XKR6: variants seen among roughly 807,000 people sequenced by gnomAD.
XKR6 encodes XK related 6, also known as XK-related protein 6.
XKR6 carries 22 observed loss-of-function variants against 56.7 expected under a neutral mutation model. The observed-to-expected ratio is 0.39, with a 90% CI of 0.28 to 0.55. The LOEUF (loss-of-function observed/expected upper bound fraction) is 0.55, where lower values mean the gene tolerates loss of function less well. XKR6 is among the 20% of genes least tolerant of loss of function. The pLI is 0.66. For synonymous variants in XKR6, 524 were observed against 387.8 expected, an observed-to-expected ratio of 1.35 and a Z score of -4.13; for missense variants, 852 against 889.0, an observed-to-expected ratio of 0.96 and a Z score of 0.53.
At chr8:11,091,219 C>G (rs1420598819) in intron 1 of XKR6, among the ~76,000 whole-genome samples, 1 of 152,042 alleles carries the variant, frequency 6.6e-6, no homozygotes, top group Admixed American at 6.5e-5. Flanking sequence ...TCGCTTGAGT[C>G]CAGAAGTTTG....
chr8:11,071,463 G>A (rs909427441), intron 1 of XKR6, among the ~76,000 whole-genome samples: 3 of 147,340 alleles, frequency 2.0e-5, no homozygotes, highest in Non-Finnish European at 3.0e-5. Flanking sequence ...ACACCTTTAA[G>A]TCTATGAGCC....
chr8:11,059,807 G>T (rs1251885149), intron 1 of XKR6, among the ~76,000 whole-genome samples: 8 of 151,978 alleles, frequency 5.3e-5, no homozygotes, highest in Non-Finnish European at 8.8e-5. Flanking sequence ...CGCGGTCCAC[G>T]GGGACAAGAG....
At chr8:10,980,653 A>ATGATCTCTTGTC (rs1419415957) in intron 1 of XKR6, among the ~76,000 whole-genome samples, 1 of 152,180 alleles carries the variant, frequency 6.6e-6, no homozygotes, top group Non-Finnish European at 1.5e-5. Context: ...ATTATGGATT[A>ATGATCTCTTGTC]TGATCTCTGT....
intron 1 of XKR6, among the ~76,000 whole-genome samples, chr8:10,945,408 C>T (rs536428807): frequency 5.9e-4 from 90 of 152,200 alleles, no homozygotes; most frequent in African/African-American, 2.1e-3. Flanking sequence ...TGCTTGAACT[C>T]GGGAGGTGGA....
At position 11,033,481 on chromosome 8, in the gene XKR6, A is replaced by G. The variant is rs149268291; in HGVS notation, c.765-108651T>C. On this transcript the variant is annotated intron_variant, in intron 1 of 2. Coordinates refer to ENST00000416569, the MANE Select transcript of XKR6 (RefSeq NM_173683.4). ...GATGGTAATGATGGTGATGATGATG[A>G]TGGTGGTAATGACTATGGTAATGAT... Among the ~76,000 whole-genome samples, 5 of 152,166 alleles carry G rather than the reference A, an allele frequency of 3.3e-5. No individual in the cohort carries two copies. In the East Asian group the frequency reaches 9.7e-4, roughly 29 times the overall value.
At chr8:11,142,253 G>C (rs1800741368) in intron 1 of XKR6, among the ~76,000 whole-genome samples, 1 of 152,096 alleles carries the variant, frequency 6.6e-6, no homozygotes, top group South Asian at 2.1e-4. Context: ...GGACTTCTTT[G>C]AAAATGGCTG....
intron 1 of XKR6, among the ~76,000 whole-genome samples, chr8:11,168,086 A>C (rs1258140407): frequency 6.6e-6 from 1 of 152,132 alleles, no homozygotes; most frequent in African/African-American, 2.4e-5. Flanking sequence ...GAAAGAGGAG[A>C]CTCTGATTTC....
At chr8:11,108,080 G>A in intron 1 of XKR6, 1 of 333,524 alleles carries the variant, frequency 3.0e-6, no homozygotes, top group South Asian at 2.3e-5. Context: ...GTAACAGGTG[G>A]AGAATCCCAG....
intron 1 of XKR6, among the ~76,000 whole-genome samples, chr8:11,178,503 T>C (rs1447240835): frequency 6.9e-6 from 1 of 144,986 alleles, no homozygotes; most frequent in Admixed American, 6.9e-5. Flanking sequence ...AAATCACTAA[T>C]AAAACCACAC....
intron 1 of XKR6, among the ~76,000 whole-genome samples, chr8:11,121,307 C>G (rs1006779329): frequency 1.9e-4 from 29 of 152,134 alleles, no homozygotes; most frequent in African/African-American, 6.5e-4. Context: ...CGGCTAATAT[C>G]CAGAATCTAC....
At chr8:10,962,734 T>C (rs1802101049) in intron 1 of XKR6, among the ~76,000 whole-genome samples, 1 of 152,156 alleles carries the variant, frequency 6.6e-6, no homozygotes, top group African/African-American at 2.4e-5. Context: ...CAAGCAATTC[T>C]CCTGCCTCAG....
intron 1 of XKR6, among the ~76,000 whole-genome samples, chr8:11,184,107 T>G (rs529300506): frequency 6.6e-6 from 1 of 152,198 alleles, no homozygotes; most frequent in Admixed American, 6.5e-5. Context: ...ACATAGTGTA[T>G]ATTTGACCTC....
chr8:10,924,793 G>A lies in XKR6; in HGVS notation c.802C>T (p.Arg268Trp), dbSNP rs764715732. 7 of 1,613,924 alleles carry A rather than the reference G, an allele frequency of 4.3e-6. No homozygotes were observed. Among genetic ancestry groups the A allele is most frequent in the East Asian group, 4.5e-5 (2 of 44,882 alleles). The change falls in exon 2 of 3, where the codon CGG becomes TGG. Residue 268 changes from arginine to tryptophan, a missense_variant. Transcript: ENST00000416569. ...AAGCGTCGCTGGTGTTCCTTCCGCCGCTGGCTCTGAATCCCCAGGTACATG... is the reference window on the plus strand; with the variant it reads ...AAGCGTCGCTGGTGTTCCTTCCGCCACTGGCTCTGAATCCCCAGGTACATG... ...RTMYLGIQSQ[R>W]RKEHQRRFYW...
chr8:11,170,293 A>G (rs1802302125), intron 1 of XKR6, among the ~76,000 whole-genome samples: 1 of 152,252 alleles, frequency 6.6e-6, no homozygotes, highest in African/African-American at 2.4e-5. Context: ...ACTGGGAACA[A>G]CCAAATGTTC....
chr8:10,959,538 G>T (rs932691523), intron 1 of XKR6, among the ~76,000 whole-genome samples: 1 of 152,176 alleles, frequency 6.6e-6, no homozygotes, highest in African/African-American at 2.4e-5. Flanking sequence ...CTTGCAGACA[G>T]CCACCTTCTT....
At chr8:10,902,391 A>G (rs1800060037) in intron 2 of XKR6, among the ~76,000 whole-genome samples, 1 of 152,204 alleles carries the variant, frequency 6.6e-6, no homozygotes, top group Admixed American at 6.5e-5. Flanking sequence ...CACAGGAAGC[A>G]GAGGTGCAGG....
chr8:11,072,120 A>T (rs1800146032), intron 1 of XKR6, among the ~76,000 whole-genome samples: 2 of 152,248 alleles, frequency 1.3e-5, no homozygotes, highest in African/African-American at 4.8e-5. Flanking sequence ...GGCACCCAAC[A>T]GTCAACCCAC....
rs533455321 is a variant in XKR6, at chr8:11,050,582, A to G, written c.765-125752T>C. ...GCTTTCATTTTATTTAAAAAAAAAAAAAAAAGAGAGAGAGAACCTGACTTG... is the reference window on the plus strand; with the variant it reads ...GCTTTCATTTTATTTAAAAAAAAAAGAAAAAGAGAGAGAGAACCTGACTTG... On this transcript the variant is annotated intron_variant, in intron 1 of 2. Coordinates refer to ENST00000416569, the MANE Select transcript of XKR6 (RefSeq NM_173683.4). Among the ~76,000 whole-genome samples the G allele has an allele frequency of 3.9e-4, 59 of 152,178 alleles. 1 individual carries two copies. Among genetic ancestry groups the G allele is most frequent in the African/African-American group, 1.4e-3 (57 of 41,496 alleles).
At chr8:11,061,880 G>C (rs536496022) in intron 1 of XKR6, among the ~76,000 whole-genome samples, 117 of 152,266 alleles carry the variant, frequency 7.7e-4, no homozygotes, top group Non-Finnish European at 1.5e-3. Flanking sequence ...TGTGTGCTTG[G>C]GTCAGGCAAG....
Sources: gnomAD v4.1 joint callset for allele counts (sites outside exome capture counted in the v4.1 genomes callset) on GRCh38, gnomAD v4.1.1 for gene constraint, MANE v1.5 for transcripts, NCBI Gene and HGNC (gene_info 2026-07-23, HGNC 2026-07-21) for gene names.